ZNF469: variants seen among roughly 807,000 people sequenced by gnomAD.
ZNF469 encodes zinc finger protein 469.
A neutral mutation model predicts 1.0 loss-of-function variants in ZNF469; 1 was observed. That is an observed-to-expected ratio of 1.00 (90% confidence interval 0.35 to 4.73). The LOEUF is 4.73. Among genes scored for constraint, ZNF469 ranks in the 30% most tolerant of loss-of-function variants. ZNF469 has a pLI of 0.16. For synonymous variants in ZNF469, 2,703 were observed against 2,363.4 expected (o/e 1.14, Z -4.17); for missense variants, 6,100 against 5,356.3 (o/e 1.14, Z -4.33).
chr16:88,198,891 G>A, the ZNF469 span, among the ~76,000 whole-genome samples: 5 of 152,256 alleles, frequency 3.3e-5, no homozygotes, highest in East Asian at 7.7e-4. Context: ...TTGGGTCAGC[G>A]TTAGCCCCGC....
intron 1 of ZNF469, among the ~76,000 whole-genome samples, chr16:88,388,000 C>G (rs1308612204): frequency 6.6e-6 from 1 of 152,282 alleles, no homozygotes; most frequent in Non-Finnish European, 1.5e-5. Flanking sequence ...CAGGACAGGG[C>G]AGCCACGGCT....
Position 88,428,166 on chromosome 16 carries a change from C to A in ZNF469, c.696C>A (p.Ala232=). ...ATCCCGAATACCAGGCCAGTGGGGC[C>A]GACTCCTGGCCTCCCGCTGCTGAGA... ...GSYPEYQASG[A]DSWPPAAENS... Residue 232 remains alanine, a synonymous_variant, in exon 3 of 3, where the codon GCC becomes GCA. Transcript: ENST00000565624. 2 of 1,550,192 alleles carry A rather than the reference C, an allele frequency of 1.3e-6. No homozygotes were observed. Among genetic ancestry groups the A allele is most frequent in the Middle Eastern group, 1.7e-4 (1 of 5,990 alleles).
chr16:88,156,929 A>G, the ZNF469 span, among the ~76,000 whole-genome samples: 1 of 152,128 alleles, frequency 6.6e-6, no homozygotes, highest in East Asian at 1.9e-4. Flanking sequence ...GAGATGGACG[A>G]TGATCTCAGG....
the ZNF469 span, among the ~76,000 whole-genome samples, chr16:88,121,528 C>T: frequency 1.3e-5 from 2 of 152,182 alleles, no homozygotes; most frequent in Non-Finnish European, 1.5e-5. Flanking sequence ...GCCAGATGGG[C>T]CCTTGAAGTC....
At chr16:88,122,251 C>T in the ZNF469 span, among the ~76,000 whole-genome samples, 29 of 150,278 alleles carry the variant, frequency 1.9e-4, no homozygotes, top group African/African-American at 5.9e-4. Context: ...GCTACAGCCA[C>T]GGCAGCCACT....
chr16:88,398,596 T>C (rs555546786), intron 1 of ZNF469, among the ~76,000 whole-genome samples: 1 of 129,336 alleles, frequency 7.7e-6, no homozygotes, highest in South Asian at 2.4e-4. Flanking sequence ...GTGCCACAGA[T>C]GAAGGGGGCA....
the ZNF469 span, among the ~76,000 whole-genome samples, chr16:88,120,016 G>T: frequency 4.6e-5 from 7 of 152,334 alleles, no homozygotes; most frequent in South Asian, 1.4e-3. Context: ...CTGAGAATGG[G>T]ATGGGGAACC....
chr16:88,346,201 A>C, the ZNF469 span, among the ~76,000 whole-genome samples: 2 of 152,188 alleles, frequency 1.3e-5, no homozygotes, highest in Non-Finnish European at 2.9e-5. Context: ...CCGATTCTCC[A>C]GTGGTTTCCA....
In ZNF469 at chr16:88,431,836, T is replaced by C; in HGVS notation, c.4366T>C (p.Phe1456Leu). The C allele has an allele frequency of 6.5e-7, 1 of 1,549,836 alleles. No individual in the cohort carries two copies. Among genetic ancestry groups the C allele is most frequent in the Non-Finnish European group, 8.7e-7 (1 of 1,146,910 alleles). Residue 1456 changes from phenylalanine to leucine, a missense_variant, in exon 3 of 3, where the codon TTC becomes CTC. By Grantham distance (22) the Phe-to-Leu change is conservative. Transcript: ENST00000565624. ...ACCGACCTTGGAGTCCTCATCCCTC[T>C]TCCCAGACCTGCCGGTGGACAGATT... The part of the protein sequence containing the change: ...SPPTLESSSL[F>L]PDLPVDRFDP...
the ZNF469 span, among the ~76,000 whole-genome samples, chr16:88,365,015 A>T: frequency 2.0e-5 from 3 of 152,220 alleles, no homozygotes; most frequent in Non-Finnish European, 2.9e-5. Flanking sequence ...ATGTTTCATG[A>T]GTTTATTCCT....
the ZNF469 span, among the ~76,000 whole-genome samples, chr16:88,290,922 A>T: frequency 6.6e-6 from 1 of 152,166 alleles, no homozygotes; most frequent in Admixed American, 6.5e-5. Flanking sequence ...GTGTGGGTTT[A>T]AACCCACGTT....
Position 88,437,440 on chromosome 16 carries a change from C to A in ZNF469, c.9970C>A (p.Gln3324Lys). 5.3e-6 allele frequency: 8 copies of A among 1,523,100 alleles called. No individual in the cohort carries two copies. Among genetic ancestry groups the A allele is most frequent in the Non-Finnish European group, 7.1e-6 (8 of 1,131,298 alleles). The allele number at this position is 1,523,100 out of a possible 1,614,324, so 94.3% of individuals were successfully genotyped here. ...CTGGGCCGGCGGGGAGCCCCTCCTGCAAGCCACCCCGGTGCACGAGGCCTG... is the reference window on the plus strand; with the variant it reads ...CTGGGCCGGCGGGGAGCCCCTCCTGAAAGCCACCCCGGTGCACGAGGCCTG... ...DPWAGGEPLL[Q>K]ATPVHEACKD... The change falls in exon 3 of 3, where the codon CAA (glutamine) becomes AAA (lysine). Residue 3324 changes from glutamine (Q) to lysine (K), a missense_variant. Coordinates refer to ENST00000565624, the MANE Select transcript of ZNF469 (RefSeq NM_001367624.2).
At chr16:88,220,303 C>T in the ZNF469 span, among the ~76,000 whole-genome samples, 1 of 152,174 alleles carries the variant, frequency 6.6e-6, no homozygotes, top group Non-Finnish European at 1.5e-5. Flanking sequence ...ACCCAGTGTG[C>T]AGCCGGTGTG....
Position 88,436,166 on chromosome 16 carries a change from G to A in ZNF469, c.8696G>A (p.Gly2899Asp), listed in dbSNP as rs79815243. The A allele has an allele frequency of 4.1e-5, 64 of 1,547,678 alleles. 1 individual carries two copies. In the East Asian group the frequency reaches 1.5e-3, roughly 36 times the overall value. Residue 2899 changes from glycine (G) to aspartate (D), a missense_variant, in exon 3 of 3, where the codon GGT (glycine) becomes GAT (aspartate). By Grantham distance (94) the Gly-to-Asp change is moderately conservative. Coordinates refer to ENST00000565624, the MANE Select transcript of ZNF469 (RefSeq NM_001367624.2). ...ACCCAGCCCAGCTTTGAGGAGGGCG[G>A]TGACCCCACGCTGGGCCCAGCCCGC... ...LPTQPSFEEG[G>D]DPTLGPARLP... is the part of the protein sequence containing the mutation.
the ZNF469 span, among the ~76,000 whole-genome samples, chr16:88,184,707 C>T: frequency 1.3e-5 from 2 of 151,788 alleles, no homozygotes. Context: ...GCTGCACGGC[C>T]GGCGTCACGG....
At chr16:88,221,636 C>T in the ZNF469 span, among the ~76,000 whole-genome samples, 1 of 152,212 alleles carries the variant, frequency 6.6e-6, no homozygotes, top group African/African-American at 2.4e-5. Flanking sequence ...AGTGAGAGCC[C>T]CCGTCATGCA....
chr16:88,280,540 G>C, the ZNF469 span, among the ~76,000 whole-genome samples: 1 of 151,466 alleles, frequency 6.6e-6, no homozygotes, highest in African/African-American at 2.4e-5. Context: ...ACACGGGTTG[G>C]TGCTGTGCCA....
the ZNF469 span, among the ~76,000 whole-genome samples, chr16:88,198,727 C>G: frequency 1.3e-5 from 2 of 152,154 alleles, no homozygotes; most frequent in African/African-American, 4.8e-5. Context: ...GTTGTGAAAC[C>G]TGGGCTTTGT....
intron 1 of ZNF469, among the ~76,000 whole-genome samples, chr16:88,396,872 AC>A (rs1165172657): frequency 3.4e-5 from 5 of 146,038 alleles, no homozygotes; most frequent in Non-Finnish European, 7.5e-5. Context: ...CCGGGAGGAC[AC>A]CCTCCTGAAG....
Sources: allele counts gnomAD v4.1 joint callset (sites outside exome capture counted in the v4.1 genomes callset), GRCh38; gene constraint gnomAD v4.1.1; transcripts MANE v1.5; gene names NCBI Gene and HGNC (gene_info 2026-07-23, HGNC 2026-07-21).